The following IFT43 variants were observed in gnomAD, a reference collection of about 807,000 sequenced individuals.
IFT43 encodes the protein intraflagellar transport 43, also known as intraflagellar transport protein 43 homolog.
IFT43 carries 33 observed loss-of-function variants against 32.3 expected under a neutral mutation model. The ratio of observed to expected loss-of-function variants is 1.02; its 90% CI spans 0.77 to 1.37. The LOEUF (loss-of-function observed/expected upper bound fraction) is 1.37. Ranked by LOEUF, IFT43 falls within the 40% of genes most tolerant of loss-of-function variation. The probability of loss-of-function intolerance (pLI) is 0.00; values close to 1 mark genes in which losing one functional copy is unlikely to be tolerated. For missense variants in IFT43, 274 were observed against 265.9 expected (o/e 1.03, Z -0.21); for synonymous variants, 93 against 98.2 (o/e 0.95, Z 0.31).
chr14:76,025,234 T>A (rs931507253), intron 3 of IFT43, among the ~76,000 whole-genome samples: 1 of 152,120 alleles, frequency 6.6e-6, no homozygotes, highest in Admixed American at 6.5e-5. Context: ...TCTTGAAAGA[T>A]CTCTATGAGG....
intron 5 of IFT43, among the ~76,000 whole-genome samples, chr14:76,062,318 C>CTGAG (rs2037151814): frequency 6.6e-6 from 1 of 152,060 alleles, no homozygotes; most frequent in Admixed American, 6.5e-5. Flanking sequence ...GATCCGCCTG[C>CTGAG]CTCAGCCTCC....
In IFT43 at chr14:76,082,381, G is replaced by A; in HGVS notation, c.368+14G>A. 5 of 1,514,102 alleles carry A rather than the reference G, an allele frequency of 3.3e-6. No individual in the cohort carries two copies. Among genetic ancestry groups the A allele is most frequent in the Non-Finnish European group, 3.7e-6 (4 of 1,088,562 alleles). The allele number at this position is 1,514,102 out of a possible 1,614,324, so 93.8% of individuals were successfully genotyped here. On this transcript the variant is annotated intron_variant, in intron 6 of 8. Transcript: ENST00000314067. ...AGCCCCTCCCAGGTAGGTTAAATCAGATATGATTGGGGAGGCAAAGAACAC... is the reference window on the plus strand; with the variant it reads ...AGCCCCTCCCAGGTAGGTTAAATCAAATATGATTGGGGAGGCAAAGAACAC...
intron 4 of IFT43, 35 bp from the exon 5 acceptor site, chr14:76,059,291 AT>A: frequency 6.2e-7 from 1 of 1,613,782 alleles, no homozygotes; most frequent in Non-Finnish European, 8.5e-7. Flanking sequence ...TTTGAAACTC[AT>A]TTTTTGCTGT....
chr14:76,078,054 T>G (rs2037441525), intron 5 of IFT43, among the ~76,000 whole-genome samples: 1 of 152,200 alleles, frequency 6.6e-6, no homozygotes, highest in African/African-American at 2.4e-5. Flanking sequence ...GTAAAATACA[T>G]CTATATGTTG....
At chr14:76,038,315 G>A (rs965121738) in intron 3 of IFT43, among the ~76,000 whole-genome samples, 2 of 152,130 alleles carry the variant, frequency 1.3e-5, no homozygotes, top group Admixed American at 6.5e-5. Context: ...GGAGATGCTC[G>A]TGTGAACTCT....
At chr14:76,077,496 C>G (rs2037432215) in intron 5 of IFT43, among the ~76,000 whole-genome samples, 1 of 152,122 alleles carries the variant, frequency 6.6e-6, no homozygotes, top group South Asian at 2.1e-4. Flanking sequence ...TTGGAATGCA[C>G]AGATGCCTGG....
downstream of IFT43, chr14:76,083,743 TCTC>T (rs746637564): frequency 1.1e-5 from 8 of 734,210 alleles, no homozygotes; most frequent in Non-Finnish European, 1.9e-5. Flanking sequence ...TTCTGTGCCA[TCTC>T]CTCCATTTCT....
chr14:76,074,001 A>G (rs907755394), intron 5 of IFT43, among the ~76,000 whole-genome samples: 3 of 152,242 alleles, frequency 2.0e-5, no homozygotes, highest in South Asian at 2.1e-4. Flanking sequence ...GGAGCCGCTC[A>G]GAAGCATTCC....
chr14:76,004,898 C>T (rs554294200), intron 2 of IFT43, among the ~76,000 whole-genome samples: 1 of 152,050 alleles, frequency 6.6e-6, no homozygotes, highest in African/African-American at 2.4e-5. Context: ...ATTTATTTTT[C>T]CCCATCTGTT....
chr14:76,071,969 C>A (rs17783336), intron 5 of IFT43, among the ~76,000 whole-genome samples: 52,890 of 151,786 alleles, frequency 0.35, 9,339 homozygotes, highest in African/African-American at 0.4. Flanking sequence ...GTTTTCCAGC[C>A]TCCTGTTGCA....
At chr14:75,986,662 A>G (rs2035536077) in intron 1 of IFT43, among the ~76,000 whole-genome samples, 1 of 152,138 alleles carries the variant, frequency 6.6e-6, no homozygotes, top group Non-Finnish European at 1.5e-5. Flanking sequence ...TTAGTAAATA[A>G]TGGAGCTAGA....
At chr14:75,999,258 TATATATATA>T (rs2035823385) in intron 2 of IFT43, among the ~76,000 whole-genome samples, 1 of 13,844 alleles carries the variant, frequency 7.2e-5, no homozygotes, top group African/African-American at 3.1e-4. Context: ...TATATATATA[TATATATATA>T]TATATGTATA....
chr14:75,998,316 GGCTTT>G (rs1302418666), intron 2 of IFT43, among the ~76,000 whole-genome samples: 4 of 152,290 alleles, frequency 2.6e-5, no homozygotes, highest in African/African-American at 9.6e-5. Flanking sequence ...ATGCCCAAGA[GGCTTT>G]GATGCATGGG....
At chr14:75,995,826 T>C (rs1378867017) in intron 2 of IFT43, among the ~76,000 whole-genome samples, 2 of 152,220 alleles carry the variant, frequency 1.3e-5, no homozygotes, top group Non-Finnish European at 2.9e-5. Context: ...GAATTTGATA[T>C]GGAGTTGTTC....
At chr14:76,006,855 AT>A (rs35845700) in intron 2 of IFT43, among the ~76,000 whole-genome samples, 2,320 of 124,378 alleles carry the variant, frequency 0.019, 32 homozygotes, top group African/African-American at 0.053. Context: ...TACTGGGGAC[AT>A]TTTTTTTTTT....
At chr14:76,027,706 CAAAA>C (rs34486241) in intron 3 of IFT43, among the ~76,000 whole-genome samples, 4 of 97,382 alleles carry the variant, frequency 4.1e-5, no homozygotes, top group Non-Finnish European at 6.1e-5. Flanking sequence ...GAGACTGTCT[CAAAA>C]AAAAAAAAAA....
intron 2 of IFT43, among the ~76,000 whole-genome samples, chr14:76,019,368 TCATAGCTGC>T (rs1463689087): frequency 1.3e-5 from 2 of 151,952 alleles, no homozygotes; most frequent in Non-Finnish European, 2.9e-5. Flanking sequence ...GGTATAGTAA[TCATAGCTGC>T]CTTTTTTTTT....
chr14:76,006,686 TA>T (rs970905099), intron 2 of IFT43, among the ~76,000 whole-genome samples: 4 of 152,106 alleles, frequency 2.6e-5, no homozygotes, highest in African/African-American at 7.2e-5. Flanking sequence ...TTTAACCATT[TA>T]AAAAATGGTT....
intron 1 of IFT43, among the ~76,000 whole-genome samples, chr14:75,986,704 C>G (rs1031326383): frequency 6.6e-6 from 1 of 152,204 alleles, no homozygotes; most frequent in African/African-American, 2.4e-5. Flanking sequence ...CTACCTTCCT[C>G]CTTTGTAACC....
Sources: allele counts gnomAD v4.1 joint callset (sites outside exome capture counted in the v4.1 genomes callset), GRCh38; gene constraint gnomAD v4.1.1; transcripts MANE v1.5; gene names NCBI Gene and HGNC (gene_info 2026-07-23, HGNC 2026-07-21).